TMEM132D: variants seen among roughly 807,000 people sequenced by gnomAD.
TMEM132D encodes mature OL transmembrane protein.
In TMEM132D, 21 loss-of-function variants were observed where a neutral mutation model predicts 62.3. The ratio of observed to expected loss-of-function variants is 0.34; its 90% CI spans 0.24 to 0.49. TMEM132D has a LOEUF of 0.49. Among genes scored for constraint, TMEM132D ranks in the 20% least tolerant of loss-of-function variants. The pLI is 0.99. For synonymous variants in TMEM132D, 621 were observed against 575.6 expected (o/e 1.08, Z -1.13); for missense variants, 1,346 against 1,402.8 (o/e 0.96, Z 0.65).
intron 4 of TMEM132D, among the ~76,000 whole-genome samples, chr12:129,237,008 G>C (rs187934535): frequency 3.1e-4 from 47 of 152,152 alleles, no homozygotes; most frequent in Admixed American, 1.3e-3. Context: ...TCTTCATTCT[G>C]TTAATGTGGT....
At chr12:129,839,422 G>A (rs904415159) in intron 1 of TMEM132D, among the ~76,000 whole-genome samples, 2 of 151,480 alleles carry the variant, frequency 1.3e-5, no homozygotes, top group Non-Finnish European at 2.9e-5. Context: ...CACCGTACCC[G>A]GCCCTAATTT....
chr12:129,555,253 C>T (rs564027523), intron 2 of TMEM132D, among the ~76,000 whole-genome samples: 1 of 152,318 alleles, frequency 6.6e-6, no homozygotes, highest in South Asian at 2.1e-4. Context: ...GTGTTGAATG[C>T]ATGGAAATGT....
In TMEM132D at chr12:129,790,624, G is replaced by A. The variant is rs564889880; in HGVS notation, c.80-89926C>T. 2.0e-5 allele frequency among the ~76,000 whole-genome samples: 3 copies of A among 152,038 alleles called. No homozygotes were observed. The East Asian group carries it at 5.8e-4, about 30-fold the overall frequency. On this transcript the variant is annotated intron_variant, in intron 1 of 8. Coordinates refer to ENST00000422113, the MANE Select transcript of TMEM132D (RefSeq NM_133448.3). Reference sequence around the variant, plus strand: ...GCCTGGGGTTTTTACGGCACAGGATGGGGGGGCAGGGCAGGCCATGGGTAG... The same window carrying A: ...GCCTGGGGTTTTTACGGCACAGGATAGGGGGGCAGGGCAGGCCATGGGTAG...
chr12:129,278,175 C>T (rs1270820711), intron 4 of TMEM132D, among the ~76,000 whole-genome samples: 2 of 152,186 alleles, frequency 1.3e-5, no homozygotes, highest in African/African-American at 2.4e-5. Flanking sequence ...TGGGTGTTCC[C>T]TGTGGCCTCT....
At chr12:129,339,084 A>G (rs1869383408) in intron 3 of TMEM132D, among the ~76,000 whole-genome samples, 1 of 152,186 alleles carries the variant, frequency 6.6e-6, no homozygotes, top group Non-Finnish European at 1.5e-5. Flanking sequence ...CAGCTTGGCC[A>G]ACAGGGCAAA....
chr12:129,689,820 T>C (rs1881021564), intron 2 of TMEM132D, among the ~76,000 whole-genome samples: 1 of 152,180 alleles, frequency 6.6e-6, no homozygotes, highest in Non-Finnish European at 1.5e-5. Flanking sequence ...TCAGCTCTGA[T>C]GTGTACATGG....
At position 129,692,861 on chromosome 12, in the gene TMEM132D, G is replaced by A. The variant is rs192225286; in HGVS notation, c.968+6949C>T. 5.7e-3 allele frequency among the ~76,000 whole-genome samples: 866 copies of A among 152,110 alleles called. 7 individuals carry two copies. The highest frequency in any genetic ancestry group is 6.4e-3 in the Non-Finnish European group (434 of 68,004). ...GGGGCCTGTCGGGGGAGGGCAGTGG[G>A]GGGAGAGCATTAAGAAAAAGAACTA... On this transcript the variant is annotated intron_variant, in intron 2 of 8. Coordinates refer to ENST00000422113, the MANE Select transcript of TMEM132D (RefSeq NM_133448.3).
intron 2 of TMEM132D, among the ~76,000 whole-genome samples, chr12:129,594,689 G>GTAAAAA (rs1878285537): frequency 6.6e-6 from 1 of 152,078 alleles, no homozygotes; most frequent in African/African-American, 2.4e-5. Context: ...CTCAGTACTG[G>GTAAAAA]GCACTTTGCC....
chr12:129,218,715 A>C (rs1203154864), intron 4 of TMEM132D, among the ~76,000 whole-genome samples: 4 of 152,192 alleles, frequency 2.6e-5, no homozygotes, highest in Non-Finnish European at 5.9e-5. Flanking sequence ...TTGAGATGCA[A>C]ACTTTTTGTT....
At chr12:129,788,642 T>G (rs1871309906) in intron 1 of TMEM132D, among the ~76,000 whole-genome samples, 1 of 152,192 alleles carries the variant, frequency 6.6e-6, no homozygotes, top group Non-Finnish European at 1.5e-5. Flanking sequence ...GGGAGAAATG[T>G]GAACTACAGG....
rs369200184 is a variant in TMEM132D, at chr12:129,213,701, T to G, written c.1300-4038A>C. 2.3e-4 allele frequency among the ~76,000 whole-genome samples: 35 copies of G among 152,126 alleles called. No individual in the cohort carries two copies. The East Asian group carries it at 3.1e-3, about 13-fold the overall frequency. On this transcript the variant is annotated intron_variant, in intron 4 of 8. Transcript: ENST00000422113. The stretch of plus-strand genomic sequence containing the variant: ...AAGCAAGGGAGAAGAACAGGGGAAG[T>G]GCCAGGCTTTTAACAATGCTGAGAA...
At chr12:129,120,528 G>A (rs931089349) in intron 5 of TMEM132D, among the ~76,000 whole-genome samples, 1 of 152,112 alleles carries the variant, frequency 6.6e-6, no homozygotes, top group African/African-American at 2.4e-5. Context: ...CGAAGGTTAT[G>A]AAAAATTAGA....
chr12:129,853,833 T>A (rs1179441706), intron 1 of TMEM132D: 1 of 151,990 alleles, frequency 6.6e-6, no homozygotes, highest in Non-Finnish European at 1.5e-5. Flanking sequence ...GAGTCTTAGG[T>A]TTGACTCATA....
chr12:129,493,552 G>A (rs898689451), intron 3 of TMEM132D, among the ~76,000 whole-genome samples: 1 of 152,150 alleles, frequency 6.6e-6, no homozygotes, highest in African/African-American at 2.4e-5. Context: ...ATAAACAAAT[G>A]CTGTAAATAA....
intron 3 of TMEM132D, among the ~76,000 whole-genome samples, chr12:129,462,836 C>T (rs988057508): frequency 5.9e-5 from 9 of 152,118 alleles, no homozygotes; most frequent in African/African-American, 1.9e-4. Context: ...CATTGGATTC[C>T]AAGCCTTTCA....
intron 3 of TMEM132D, among the ~76,000 whole-genome samples, chr12:129,528,452 A>T (rs866226926): frequency 0.012 from 1,715 of 147,034 alleles, 15 homozygotes; most frequent in Non-Finnish European, 0.017. Context: ...AAAAAAAAAA[A>T]TCAAACAGTT....
At chr12:129,828,776 A>C (rs1047403832) in intron 1 of TMEM132D, among the ~76,000 whole-genome samples, 1 of 7,994 alleles carries the variant, frequency 1.3e-4, no homozygotes. Context: ...GGGAGGGAGG[A>C]AGAAAAGGAG....
rs142300261 is a variant in TMEM132D, at chr12:129,414,873, G to A, written c.1116-77056C>T. 1.3e-3 allele frequency among the ~76,000 whole-genome samples: 199 copies of A among 152,164 alleles called. 3 individuals are homozygous for A. The South Asian group carries it at 0.033, about 25-fold the overall frequency. On this transcript the variant is annotated intron_variant, in intron 3 of 8. Transcript: ENST00000422113. ...TTCTACTATTCTACTCTCTGTTTCT[G>A]TGAATTCAACTCTTTTAGATTCCAC...
intron 3 of TMEM132D, among the ~76,000 whole-genome samples, chr12:129,365,382 C>G (rs1356613969): frequency 6.6e-6 from 1 of 152,024 alleles, no homozygotes; most frequent in South Asian, 2.1e-4. Context: ...AGATTAGGCA[C>G]CAAAAACCCT....
Sources: allele counts gnomAD v4.1 joint callset (sites outside exome capture counted in the v4.1 genomes callset), GRCh38; gene constraint gnomAD v4.1.1; transcripts MANE v1.5; gene names NCBI Gene and HGNC (gene_info 2026-07-23, HGNC 2026-07-21).